Variants in FAM53B observed in about 807,000 individuals in gnomAD.
The protein encoded by FAM53B is family with sequence similarity 53 member B, also known as protein FAM53B.
Under a neutral mutation model 32.7 loss-of-function variants are expected in FAM53B, and 12 were observed. The observed-to-expected ratio is 0.37, with a 90% CI of 0.24 to 0.59. The LOEUF is 0.59. Ranked by LOEUF, FAM53B falls within the 20% of genes least tolerant of loss-of-function variation. FAM53B has a pLI of 0.72. For missense variants in FAM53B, 477 were observed against 577.7 expected, an observed-to-expected ratio of 0.83 and a Z score of 1.79; for synonymous variants, 234 against 228.7, an observed-to-expected ratio of 1.02 and a Z score of -0.21.
rs1949290740 is a variant in FAM53B, at chr10:124,619,558, C to A, written c.*3684G>T. 1 of 152,402 alleles carries A rather than the reference C, an allele frequency of 6.6e-6. No homozygotes were observed. The allele number at this position is 152,402 out of a possible 1,614,324, so 9.4% of individuals were successfully genotyped here. On this transcript the variant is annotated 3_prime_UTR_variant, in exon 5 of 5. Coordinates refer to ENST00000337318, the MANE Select transcript of FAM53B (RefSeq NM_014661.4). ...TCGCCCCAGCCCCCAGGACAGCTTC[C>A]CCACACACTGAAAACACAAATCATT...
At position 124,646,987 on chromosome 10, in the gene FAM53B, T is replaced by C. The variant is rs1303052077; in HGVS notation, c.907-23383A>G. On this transcript the variant is annotated intron_variant, in intron 4 of 4. Transcript: ENST00000337318. The stretch of plus-strand genomic sequence containing the variant: ...CCATTCCTGGGTAGCAAGCCCTCCC[T>C]TGGCAGACCCTGCAGCAGGCGATGG... 3.3e-5 allele frequency among the ~76,000 whole-genome samples: 5 copies of C among 152,298 alleles called. No individual in the cohort carries two copies. The East Asian group carries it at 5.8e-4, about 18-fold the overall frequency.
At chr10:124,697,985 C>T (rs1214835076) in intron 2 of FAM53B, among the ~76,000 whole-genome samples, 1 of 152,190 alleles carries the variant, frequency 6.6e-6, no homozygotes, top group Non-Finnish European at 1.5e-5. Flanking sequence ...CATCCAATGG[C>T]AAGTGGATGA....
chr10:124,733,878 C>T lies in FAM53B; in HGVS notation c.-175+10135G>A, dbSNP rs902591858. The stretch of plus-strand genomic sequence containing the variant: ...TCCTGACCTAGATCAGCTCCGCTCC[C>T]CTCTGAAATCTACACTCGTCTCACT... On this transcript the variant is annotated intron_variant, in intron 1 of 4. Coordinates refer to ENST00000337318, the MANE Select transcript of FAM53B (RefSeq NM_014661.4). The surrounding 1 kb of genome is among the most constrained non-coding windows in gnomAD (Gnocchi z 4.3). 6.6e-6 allele frequency among the ~76,000 whole-genome samples: 1 copy of T among 152,208 alleles called. No individual in the cohort carries two copies. Among genetic ancestry groups the T allele is most frequent in the Non-Finnish European group, 1.5e-5 (1 of 68,036 alleles).
intron 4 of FAM53B, among the ~76,000 whole-genome samples, chr10:124,680,178 C>A: frequency 6.6e-6 from 1 of 152,220 alleles, no homozygotes; most frequent in East Asian, 1.9e-4. Flanking sequence ...AAGATTGGCA[C>A]ACGCCTAGAG....
At chr10:124,663,307 A>G (rs1255799533) in intron 4 of FAM53B, among the ~76,000 whole-genome samples, 2 of 152,240 alleles carry the variant, frequency 1.3e-5, no homozygotes, top group African/African-American at 4.8e-5. Context: ...AGCTCTGGCT[A>G]AGGTTCCTGA....
chr10:124,690,671 A>C lies in FAM53B; in HGVS notation c.133+5487T>G, dbSNP rs573370722. Among the ~76,000 whole-genome samples the C allele has an allele frequency of 3.3e-5, 5 of 152,396 alleles. No homozygotes were observed. The South Asian group carries it at 8.3e-4, about 25-fold the overall frequency. ...TTATTATTCCTGAAAAACTGCCTGA[A>C]ACCAATGAATGGTACAAGGAAGAAT... On this transcript the variant is annotated intron_variant, in intron 3 of 4. Transcript: ENST00000337318.
At chr10:124,655,072 C>T (rs1448034898) in intron 4 of FAM53B, among the ~76,000 whole-genome samples, 1 of 152,190 alleles carries the variant, frequency 6.6e-6, no homozygotes, top group Non-Finnish European at 1.5e-5. Context: ...GATGGCAACA[C>T]AGATTTGAGC....
chr10:124,720,208 G>C (rs11245341), intron 1 of FAM53B, among the ~76,000 whole-genome samples: 30,940 of 150,308 alleles, frequency 0.21, 3,653 homozygotes, highest in Non-Finnish European at 0.26. Context: ...TGGCCACCTC[G>C]ATCAGGAGCA....
chr10:124,688,229 GC>G (rs905102597), intron 3 of FAM53B, among the ~76,000 whole-genome samples: 1 of 152,166 alleles, frequency 6.6e-6, no homozygotes, highest in African/African-American at 2.4e-5. Context: ...ACGCAGAAGG[GC>G]CCCCCATCCA....
Position 124,622,910 on chromosome 10 carries a change from T to A in FAM53B, c.*332A>T. 1 of 230,184 alleles carries A rather than the reference T, an allele frequency of 4.3e-6. No individual in the cohort carries two copies. Among genetic ancestry groups the A allele is most frequent in the Non-Finnish European group, 8.5e-6 (1 of 117,266 alleles). The allele number at this position is 230,184 out of a possible 1,614,324, so 14.3% of individuals were successfully genotyped here. A position where few individuals can be genotyped will look rare whatever the true frequency, so the allele number is the denominator to read the frequency against. On this transcript the variant is annotated 3_prime_UTR_variant, in exon 5 of 5. Coordinates refer to ENST00000337318, the MANE Select transcript of FAM53B (RefSeq NM_014661.4). ...GGGGATACAGAGCGGTGCCCAGCTC[T>A]GCCGGGGACAACAGAGACTGCCCAA... is the stretch of plus-strand genomic sequence containing the variant.
intron 4 of FAM53B, among the ~76,000 whole-genome samples, chr10:124,657,681 C>G (rs1202453956): frequency 6.6e-6 from 1 of 152,180 alleles, no homozygotes; most frequent in African/African-American, 2.4e-5. Context: ...AGCTGATATA[C>G]AAGTGTTTGT....
chr10:124,720,922 G>A (rs879455845), intron 1 of FAM53B, among the ~76,000 whole-genome samples: 9 of 152,188 alleles, frequency 5.9e-5, no homozygotes, highest in African/African-American at 1.2e-4. Flanking sequence ...AATCTGGGCC[G>A]GGTGCGGTGG....
rs1950160793 is a variant in FAM53B at position 124,733,981 on chromosome 10, A to C, written c.-175+10032T>G. 1.3e-5 allele frequency among the ~76,000 whole-genome samples: 2 copies of C among 152,132 alleles called. No individual in the cohort carries two copies. Among genetic ancestry groups the C allele is most frequent in the African/African-American group, 2.4e-5 (1 of 41,412 alleles). ...GGGACACCTGCTCTCCTGGTCTCGAATGTCTCCTCCTCCCCGTTCTTCATC... is the reference window on the plus strand; with the variant it reads ...GGGACACCTGCTCTCCTGGTCTCGACTGTCTCCTCCTCCCCGTTCTTCATC... On this transcript the variant is annotated intron_variant, in intron 1 of 4. Coordinates refer to ENST00000337318, the MANE Select transcript of FAM53B (RefSeq NM_014661.4). This position sits in a 1 kb window ranked among gnomAD's most constrained non-coding sequence, Gnocchi z 4.3.
intron 2 of FAM53B, among the ~76,000 whole-genome samples, chr10:124,699,602 C>T (rs762866560): frequency 2.6e-5 from 4 of 152,248 alleles, no homozygotes; most frequent in Non-Finnish European, 5.9e-5. Flanking sequence ...CAGATGAAAC[C>T]GCGCAGCCCA....
chr10:124,738,934 T>G (rs1056392143), intron 1 of FAM53B, among the ~76,000 whole-genome samples: 19 of 152,060 alleles, frequency 1.2e-4, no homozygotes, highest in African/African-American at 4.3e-4. Context: ...AATGTTTTCT[T>G]GTGAATCTGC....
At chr10:124,664,025 C>T (rs1328822186) in intron 4 of FAM53B, among the ~76,000 whole-genome samples, 1 of 152,130 alleles carries the variant, frequency 6.6e-6, no homozygotes, top group African/African-American at 2.4e-5. Flanking sequence ...GTCAGTGCTG[C>T]CTGGATGCCT....
In FAM53B at chr10:124,644,588, C is replaced by A. The variant is rs187423701; in HGVS notation, c.907-20984G>T. ...CTTCTCCAAATTACCAGGGTTTCCT[C>A]CTGGCAGGAACAGCTCAGAAATGTA... is the stretch of plus-strand genomic sequence containing the variant. On this transcript the variant is annotated intron_variant, in intron 4 of 4. Transcript: ENST00000337318. Among the ~76,000 whole-genome samples the A allele has an allele frequency of 7.4e-4, 113 of 152,356 alleles. 1 individual carries two copies. The highest frequency in any genetic ancestry group is 5.1e-3 in the Admixed American group (78 of 15,304).
At chr10:124,691,305 G>A (rs138746190) in intron 3 of FAM53B, among the ~76,000 whole-genome samples, 12 of 152,244 alleles carry the variant, frequency 7.9e-5, no homozygotes, top group South Asian at 4.1e-4. Flanking sequence ...ATTAAAATGC[G>A]GACAAACCTG....
At chr10:124,715,073 G>A (rs1320081256) in intron 1 of FAM53B, among the ~76,000 whole-genome samples, 1 of 152,210 alleles carries the variant, frequency 6.6e-6, no homozygotes, top group African/African-American at 2.4e-5. Context: ...TCCAAGACCT[G>A]TAAGTTTCAT....
Sources: allele counts gnomAD v4.1 joint callset (sites outside exome capture counted in the v4.1 genomes callset), GRCh38; gene constraint gnomAD v4.1.1; non-coding constraint Gnocchi (gnomAD v3.1); transcripts MANE v1.5; gene names NCBI Gene and HGNC (gene_info 2026-07-23, HGNC 2026-07-21).